TENM2: variants seen among roughly 807,000 people sequenced by gnomAD.
TENM2 encodes the protein teneurin-2.
TENM2 carries 52 observed loss-of-function variants against 245.2 expected under a neutral mutation model. The observed-to-expected ratio is 0.21, with a 90% confidence interval of 0.17 to 0.27. The LOEUF (loss-of-function observed/expected upper bound fraction) is 0.27. Among genes scored for constraint, TENM2 ranks in the 10% least tolerant of loss-of-function variants. The pLI is 1.00. For synonymous variants in TENM2, 1,363 were observed against 1,438.9 expected, an observed-to-expected ratio of 0.95 and a Z score of 1.19; for missense variants, 3,046 against 3,666.8, an observed-to-expected ratio of 0.83 and a Z score of 4.37.
chr5:167,944,268 T>G (rs556631736), intron 3 of TENM2, among the ~76,000 whole-genome samples: 1 of 152,216 alleles, frequency 6.6e-6, no homozygotes, highest in African/African-American at 2.4e-5. Flanking sequence ...TTGTTTCCCC[T>G]CCCACAAATG....
chr5:167,267,648 C>G, the TENM2 span, among the ~76,000 whole-genome samples: 7 of 152,128 alleles, frequency 4.6e-5, no homozygotes, highest in Non-Finnish European at 7.4e-5. Flanking sequence ...GGGTAGTAGG[C>G]AAATGTGAGA....
intron 2 of TENM2, among the ~76,000 whole-genome samples, chr5:167,435,022 C>T (rs1015290649): frequency 1.3e-5 from 2 of 152,110 alleles, no homozygotes; most frequent in East Asian, 1.9e-4. Flanking sequence ...TTGATGCCAA[C>T]GTAGTGGCAA....
chr5:167,012,561 G>A, the TENM2 span, among the ~76,000 whole-genome samples: 1 of 152,152 alleles, frequency 6.6e-6, no homozygotes, highest in Non-Finnish European at 1.5e-5. Flanking sequence ...CCTGAGATCT[G>A]AGTAATGAGA....
chr5:167,840,335 A>G (rs955706718), intron 2 of TENM2, among the ~76,000 whole-genome samples: 5 of 152,236 alleles, frequency 3.3e-5, no homozygotes, highest in South Asian at 2.1e-4. Flanking sequence ...ACAGTGTGAC[A>G]CATGGATCTA....
chr5:167,330,139 G>C (rs1757354386), intron 1 of TENM2, among the ~76,000 whole-genome samples: 1 of 152,134 alleles, frequency 6.6e-6, no homozygotes, highest in South Asian at 2.1e-4. Flanking sequence ...TAGTATAAAA[G>C]AACATCTTGG....
At chr5:167,792,560 C>T (rs1352271954) in intron 2 of TENM2, among the ~76,000 whole-genome samples, 1 of 152,012 alleles carries the variant, frequency 6.6e-6, no homozygotes, top group Non-Finnish European at 1.5e-5. Context: ...GTCCACCTCA[C>T]TGACTATAAT....
intron 2 of TENM2, among the ~76,000 whole-genome samples, chr5:167,773,874 G>A (rs939844185): frequency 1.3e-5 from 2 of 152,058 alleles, no homozygotes; most frequent in African/African-American, 2.4e-5. Context: ...TTTACACCAT[G>A]CAAAAGGTCA....
chr5:167,432,683 G>A (rs1191891830), intron 2 of TENM2, among the ~76,000 whole-genome samples: 1 of 152,046 alleles, frequency 6.6e-6, no homozygotes, highest in Non-Finnish European at 1.5e-5. Context: ...TATTGGTGCT[G>A]CTTTTCATAA....
In TENM2 at chr5:167,942,879, G is replaced by T. The variant is rs201039056; in HGVS notation, c.713-9709G>T. On this transcript the variant is annotated intron_variant, in intron 3 of 28. Coordinates refer to ENST00000518659, the Ensembl canonical transcript of TENM2. The stretch of plus-strand genomic sequence containing the variant: ...TCTCTGACAGTAGTTGAGCCATGTA[G>T]TCTTAGGCAGTGGATGTTTCTCCAG... Among the ~76,000 whole-genome samples, 11 of 152,324 alleles carry T rather than the reference G, an allele frequency of 7.2e-5. No homozygotes were observed. The East Asian group carries it at 2.1e-3, about 29-fold the overall frequency.
the TENM2 span, among the ~76,000 whole-genome samples, chr5:167,138,951 GA>G: frequency 6.6e-6 from 1 of 152,124 alleles, no homozygotes; most frequent in East Asian, 1.9e-4. Context: ...TGGTTTCTGG[GA>G]AAGACAGATG....
the TENM2 span, among the ~76,000 whole-genome samples, chr5:167,056,276 T>A: frequency 6.6e-6 from 1 of 151,736 alleles, no homozygotes; most frequent in Non-Finnish European, 1.5e-5. Flanking sequence ...CCAATTTTGT[T>A]AATTTGAGAA....
intron 3 of TENM2, among the ~76,000 whole-genome samples, chr5:167,933,552 A>G (rs1778449586): frequency 1.3e-5 from 2 of 152,330 alleles, no homozygotes; most frequent in Middle Eastern, 3.4e-3. Context: ...TCCAATTTGG[A>G]ATTATTATAT....
At chr5:167,808,617 T>C (rs1292343976) in intron 2 of TENM2, among the ~76,000 whole-genome samples, 4 of 152,202 alleles carry the variant, frequency 2.6e-5, no homozygotes, top group African/African-American at 9.6e-5. Flanking sequence ...GTCAACTTCA[T>C]TACTTATACT....
At chr5:167,645,329 T>A (rs1779858402) in intron 2 of TENM2, among the ~76,000 whole-genome samples, 1 of 152,164 alleles carries the variant, frequency 6.6e-6, no homozygotes, top group African/African-American at 2.4e-5. Context: ...GCAAATTGCT[T>A]GTTGGGATGG....
intron 2 of TENM2, among the ~76,000 whole-genome samples, chr5:167,782,535 C>T (rs180988014): frequency 4.3e-4 from 65 of 152,120 alleles, no homozygotes; most frequent in Admixed American, 3.8e-3. Context: ...TCAGTCAAGT[C>T]ATTGAGATCA....
At chr5:168,186,416 G>A (rs962492476) in intron 13 of TENM2, 12 of 152,140 alleles carry the variant, frequency 7.9e-5, no homozygotes, top group African/African-American at 2.7e-4. Flanking sequence ...AGCTTATGAC[G>A]TGTATGAGTA....
chr5:167,925,369 G>A (rs141144020), intron 3 of TENM2, among the ~76,000 whole-genome samples: 2 of 152,316 alleles, frequency 1.3e-5, no homozygotes, highest in Admixed American at 1.3e-4. Context: ...CCAGAGGGTT[G>A]AGGATTACCT....
chr5:167,984,646 CTT>C (rs1269538522), intron 4 of TENM2, among the ~76,000 whole-genome samples: 1 of 151,984 alleles, frequency 6.6e-6, no homozygotes, highest in Non-Finnish European at 1.5e-5. Flanking sequence ...CAAAGCAAGA[CTT>C]TGTCTTGGGG....
At chr5:167,340,359 C>G (rs1758022685) in intron 1 of TENM2, among the ~76,000 whole-genome samples, 1 of 152,190 alleles carries the variant, frequency 6.6e-6, no homozygotes. Flanking sequence ...AACAAAATAT[C>G]ACAGATTCGA....
Sources: allele counts gnomAD v4.1 joint callset (sites outside exome capture counted in the v4.1 genomes callset), GRCh38; gene constraint gnomAD v4.1.1; transcripts MANE v1.5; gene names NCBI Gene and HGNC (gene_info 2026-07-23, HGNC 2026-07-21).